The following ANKRD40 variants were observed in gnomAD, a reference collection of about 807,000 sequenced individuals.
The protein encoded by ANKRD40 is ankyrin repeat domain 40.
Under a neutral mutation model 35.5 loss-of-function variants are expected in ANKRD40, and 24 were observed. The observed-to-expected ratio is 0.68, with a 90% CI of 0.49 to 0.95. ANKRD40 has a LOEUF of 0.95. Ranked by LOEUF, ANKRD40 falls within the 40% of genes least tolerant of loss-of-function variation. The pLI, the probability that ANKRD40 is intolerant of heterozygous loss-of-function variation, is 0.00. For synonymous variants in ANKRD40, 147 were observed against 173.5 expected, an observed-to-expected ratio of 0.85 and a Z score of 1.20; for missense variants, 361 against 436.0, an observed-to-expected ratio of 0.83 and a Z score of 1.53.
At chr17:50,704,592 A>C (rs896532354) in intron 1 of ANKRD40, among the ~76,000 whole-genome samples, 21 of 151,052 alleles carry the variant, frequency 1.4e-4, no homozygotes, top group Non-Finnish European at 5.9e-5. Flanking sequence ...AACACCTCCT[A>C]TGGGGCAGAC....
chr17:50,706,656 C>T (rs533253796), intron 1 of ANKRD40, among the ~76,000 whole-genome samples: 10 of 149,542 alleles, frequency 6.7e-5, no homozygotes, highest in African/African-American at 2.5e-4. Context: ...AATCCCAGCA[C>T]TTTTGGAGGC....
At chr17:50,696,527 A>G (rs1468551706) in intron 4 of ANKRD40, 1 of 232,294 alleles carries the variant, frequency 4.3e-6, no homozygotes, top group African/African-American at 2.3e-5. Flanking sequence ...AACAGAAGGC[A>G]CATCTAGTAG....
In ANKRD40 at chr17:50,707,141, G is replaced by A. The variant is rs776511229; in HGVS notation, c.134+380C>T. Among the ~76,000 whole-genome samples, 32 of 152,078 alleles carry A rather than the reference G, an allele frequency of 2.1e-4. No homozygotes were observed. The highest frequency in any genetic ancestry group is 3.8e-4 in the Non-Finnish European group (26 of 68,012). ...GCTTATGCTTTTAGCTCTGCAAGATGCGTTCTCCAGAAGCACCTACGGCAA... is the reference window on the plus strand; with the variant it reads ...GCTTATGCTTTTAGCTCTGCAAGATACGTTCTCCAGAAGCACCTACGGCAA... On this transcript the variant is annotated intron_variant, in intron 1 of 4. Transcript: ENST00000285243. The surrounding 1 kb of genome is among the most constrained non-coding windows in gnomAD (Gnocchi z 4.8).
chr17:50,707,051 GT>G lies in ANKRD40; in HGVS notation c.134+469del, dbSNP rs562590975. Among the ~76,000 whole-genome samples the G allele has an allele frequency of 6.6e-6, 1 of 150,854 alleles. No individual in the cohort carries two copies. On this transcript the variant is annotated intron_variant, in intron 1 of 4. Coordinates refer to ENST00000285243, the MANE Select transcript of ANKRD40 (RefSeq NM_052855.4). This position sits in a 1 kb window ranked among gnomAD's most constrained non-coding sequence, Gnocchi z 4.8. ...AGAAGCAGAATGGTGATGCAAATGT[GT>G]TTTTTTTTCCTGGTCTTGGCTAAGG...
chr17:50,703,265 T>C (rs1372192125), intron 1 of ANKRD40, among the ~76,000 whole-genome samples: 3 of 152,200 alleles, frequency 2.0e-5, no homozygotes, highest in African/African-American at 7.2e-5. Flanking sequence ...GTGTTGGACA[T>C]TGTTCTAAAG....
chr17:50,698,689 T>G (rs1260943812), intron 3 of ANKRD40, among the ~76,000 whole-genome samples: 1 of 152,156 alleles, frequency 6.6e-6, no homozygotes, highest in Non-Finnish European at 1.5e-5. Context: ...ATAGTACTAT[T>G]TCTGTAATAG....
At chr17:50,697,420 G>T (rs779627042) in intron 3 of ANKRD40, among the ~76,000 whole-genome samples, 2 of 152,180 alleles carry the variant, frequency 1.3e-5, no homozygotes, top group Non-Finnish European at 2.9e-5. Flanking sequence ...TTCTGCCATT[G>T]GAGCTAAGGA....
chr17:50,697,031 T>C lies in ANKRD40; in HGVS notation c.869A>G (p.Gln290Arg). The change falls in exon 4 of 5, where the codon CAA (glutamine) becomes CGA (arginine). Residue 290 changes from glutamine (Q) to arginine (R), a missense_variant. Physicochemically the swap from Gln to Arg is conservative, Grantham distance 43. Transcript: ENST00000285243. ...ACAGCAACACACTCTGAGCAACTCT[T>C]GGTAGGTGAGCTCCTGTCGGTCCAG... The part of the protein sequence containing the change: ...IELDRQELTY[Q>R]ELLRVCCCEL... 1 of 1,614,196 alleles carries C rather than the reference T, an allele frequency of 6.2e-7. No homozygotes were observed. The highest frequency in any genetic ancestry group is 8.5e-7 in the Non-Finnish European group (1 of 1,180,030).
intron 3 of ANKRD40, among the ~76,000 whole-genome samples, chr17:50,697,472 G>A (rs780763533): frequency 1.7e-4 from 26 of 152,206 alleles, no homozygotes; most frequent in Admixed American, 1.7e-3. Flanking sequence ...AACTATACAT[G>A]AACAGGGGAA....
rs939373174 is a variant in ANKRD40, at chr17:50,694,995, G to A, written c.*1002C>T. 3 of 152,150 alleles carry A rather than the reference G, an allele frequency of 2.0e-5. No homozygotes were observed. Among genetic ancestry groups the A allele is most frequent in the Non-Finnish European group, 4.4e-5 (3 of 68,030 alleles). The allele number at this position is 152,150 out of a possible 1,614,324, so 9.4% of individuals were successfully genotyped here. A position where few individuals can be genotyped will look rare whatever the true frequency, so the allele number is the denominator to read the frequency against. ...TTCATTTGTAGTGGAAAATGAAAGT[G>A]GAGAACATGGAACAGCAATATTTGT... On this transcript the variant is annotated 3_prime_UTR_variant, in exon 5 of 5. Coordinates refer to ENST00000285243, the MANE Select transcript of ANKRD40 (RefSeq NM_052855.4).
chr17:50,707,749 C>G lies in ANKRD40; in HGVS notation c.-95G>C, dbSNP rs1968360123. The G allele has an allele frequency of 1.0e-6, 1 of 954,646 alleles. No individual in the cohort carries two copies. The highest frequency in any genetic ancestry group is 1.8e-5 in the African/African-American group (1 of 56,980). 59.1% of individuals were successfully genotyped at this position (954,646 alleles called of 1,614,324 possible). A position where few individuals can be genotyped will look rare whatever the true frequency, so the allele number is the denominator to read the frequency against. ...GCCGTCGCCGCGGCCCGCTCCCGGC[C>G]ATGGGGAGGGAGCGCGGAACTCGCC... is the stretch of plus-strand genomic sequence containing the variant. On this transcript the variant is annotated 5_prime_UTR_variant, in exon 1 of 5. An upstream start codon of the reference 5' UTR is lost. Coordinates refer to ENST00000285243, the MANE Select transcript of ANKRD40 (RefSeq NM_052855.4). This position sits in a 1 kb window ranked among gnomAD's most constrained non-coding sequence, Gnocchi z 4.8.
intron 1 of ANKRD40, among the ~76,000 whole-genome samples, chr17:50,705,771 C>T (rs951017471): frequency 2.0e-5 from 3 of 151,618 alleles, no homozygotes; most frequent in Non-Finnish European, 4.4e-5. Context: ...AGTGATTCTC[C>T]TGCTGCAGCA....
rs1000389796 is a variant in ANKRD40, at chr17:50,707,341, G to A, written c.134+180C>T. ...GTGGGCCGGGATTTGGGCAGGACGC[G>A]CTCCCGACCGCACGAGGCATGGGGG... is the stretch of plus-strand genomic sequence containing the variant. On this transcript the variant is annotated intron_variant, in intron 1 of 4. Coordinates refer to ENST00000285243, the MANE Select transcript of ANKRD40 (RefSeq NM_052855.4). The surrounding 1 kb of genome is among the most constrained non-coding windows in gnomAD (Gnocchi z 4.8). Among the ~76,000 whole-genome samples, 1 of 152,096 alleles carries A rather than the reference G, an allele frequency of 6.6e-6. No homozygotes were observed. Among genetic ancestry groups the A allele is most frequent in the Non-Finnish European group, 1.5e-5 (1 of 68,010 alleles).
At chr17:50,698,809 CA>C (rs1968229519) in intron 3 of ANKRD40, among the ~76,000 whole-genome samples, 1 of 151,954 alleles carries the variant, frequency 6.6e-6, no homozygotes, top group Non-Finnish European at 1.5e-5. Context: ...CTCAAGATTA[CA>C]TTTCTCAAAT....
rs1161998392 is a variant in ANKRD40 at position 50,694,623 on chromosome 17, A to C, written c.*1374T>G. On this transcript the variant is annotated 3_prime_UTR_variant, in exon 5 of 5. Transcript: ENST00000285243. Reference sequence around the variant, plus strand: ...TCAACAAAACAGTGGCTGCTCTTTTAACATTAATGACACTGAAGGAAAGGA... The same window carrying C: ...TCAACAAAACAGTGGCTGCTCTTTTCACATTAATGACACTGAAGGAAAGGA... 1.3e-5 allele frequency: 2 copies of C among 152,200 alleles called. No individual in the cohort carries two copies. Among genetic ancestry groups the C allele is most frequent in the African/African-American group, 2.4e-5 (1 of 41,454 alleles). 9.4% of individuals were successfully genotyped at this position (152,200 alleles called of 1,614,324 possible).
At position 50,707,643 on chromosome 17, in the gene ANKRD40, G is replaced by C. The variant is rs925052519; in HGVS notation, c.12C>G (p.Leu4=). 3 of 1,571,884 alleles carry C rather than the reference G, an allele frequency of 1.9e-6. No homozygotes were observed. Among genetic ancestry groups the C allele is most frequent in the African/African-American group, 2.8e-5 (2 of 71,474 alleles). The change falls in exon 1 of 5, where the codon CTC becomes CTG. Residue 4 remains leucine (L), a synonymous_variant. Transcript: ENST00000285243. The surrounding 1 kb of genome is among the most constrained non-coding windows in gnomAD (Gnocchi z 4.8). MNA[L]LEQKEQQERL... is the part of the protein sequence containing the mutation. The stretch of plus-strand genomic sequence containing the variant: ...TCTCCTGCTGCTCCTTCTGCTCTAG[G>C]AGGGCGTTCATCTTCCCACAGCCCC...
Position 50,696,061 on chromosome 17 carries a change from T to C in ANKRD40, c.1043A>G (p.Asn348Ser), listed in dbSNP as rs1476686293. The C allele has an allele frequency of 1.2e-6, 2 of 1,614,248 alleles. No homozygotes were observed. The highest frequency in any genetic ancestry group is 1.3e-5 in the African/African-American group (1 of 75,064). Residue 348 changes from asparagine (N) to serine (S), a missense_variant, in exon 5 of 5, where the codon AAT becomes AGT. This residue lies in a region of ANKRD40 where 93 missense variants were observed against 129.6 expected (regional missense o/e 0.72). Coordinates refer to ENST00000285243, the MANE Select transcript of ANKRD40 (RefSeq NM_052855.4). ...CCTTTCAGTCAGTGTGGATGCAGCA[T>C]TTCTGAACAGAAAATTATTTTCACT... ...MISENNFLFR[N>S]AASTLTERPC...
intron 1 of ANKRD40, among the ~76,000 whole-genome samples, chr17:50,705,961 G>A (rs1383395608): frequency 3.3e-5 from 5 of 151,718 alleles, no homozygotes; most frequent in Admixed American, 3.3e-4. Context: ...GCCAGGTCCA[G>A]GTAGGTAGAC....
intron 1 of ANKRD40, among the ~76,000 whole-genome samples, chr17:50,702,627 C>T (rs755941086): frequency 6.6e-6 from 1 of 152,154 alleles, no homozygotes; most frequent in African/African-American, 2.4e-5. Flanking sequence ...AAATAAAATG[C>T]TCACTTGCTA....
Sources: allele counts gnomAD v4.1 joint callset (sites outside exome capture counted in the v4.1 genomes callset), GRCh38; gene constraint gnomAD v4.1.1; regional missense constraint gnomAD v4.1.1; non-coding constraint Gnocchi (gnomAD v3.1); transcripts MANE v1.5; gene names NCBI Gene and HGNC (gene_info 2026-07-23, HGNC 2026-07-21).